Variants in KAZN observed in about 807,000 individuals in gnomAD.
KAZN encodes kazrin.
In KAZN, 40 loss-of-function variants were observed where a neutral mutation model predicts 87.4. The ratio of observed to expected loss-of-function variants is 0.46; its 90% CI spans 0.36 to 0.60. The LOEUF (loss-of-function observed/expected upper bound fraction) is 0.60, where lower values mean the gene tolerates loss of function less well. Ranked by LOEUF, KAZN falls within the 20% of genes least tolerant of loss-of-function variation. KAZN has a pLI of 0.00. For synonymous variants in KAZN, 466 were observed against 458.3 expected, an observed-to-expected ratio of 1.02 and a Z score of -0.22; for missense variants, 898 against 1,073.9, an observed-to-expected ratio of 0.84 and a Z score of 2.29.
At chr1:14,022,393 A>G (rs542295266) in intron 1 of KAZN, among the ~76,000 whole-genome samples, 7 of 151,474 alleles carry the variant, frequency 4.6e-5, no homozygotes, top group African/African-American at 1.7e-4. Context: ...ACAATAAATG[A>G]TAACAATCTT....
chr1:14,587,317 T>A (rs539260209), intron 2 of KAZN, among the ~76,000 whole-genome samples: 17 of 151,416 alleles, frequency 1.1e-4, no homozygotes, highest in African/African-American at 3.4e-4. Context: ...GCACCTGTAA[T>A]CCCAGCTACT....
chr1:14,025,549 G>A (rs571259251), intron 1 of KAZN, among the ~76,000 whole-genome samples: 7 of 152,118 alleles, frequency 4.6e-5, no homozygotes, highest in African/African-American at 1.7e-4. Context: ...CAGGATCTCG[G>A]GGTTTTCATA....
At chr1:14,982,219 G>A (rs1439222412) in intron 2 of KAZN, among the ~76,000 whole-genome samples, 5 of 147,598 alleles carry the variant, frequency 3.4e-5, no homozygotes, top group South Asian at 2.2e-4. Context: ...CACTCCGGCC[G>A]TTCCAGCCCG....
rs1054319599 is a variant in KAZN, at chr1:14,466,741, G to A, written c.250-132242G>A. On this transcript the variant is annotated intron_variant, in intron 2 of 16. Transcript: ENST00000636203. ...CCCAGCACTTCGGGAGGCCGAGGTG[G>A]GCAGATCACGAAGTCAGGAGATGGA... Among the ~76,000 whole-genome samples, 15 of 151,952 alleles carry A rather than the reference G, an allele frequency of 9.9e-5. No homozygotes were observed. In the East Asian group the frequency reaches 2.9e-3, roughly 29 times the overall value.
At chr1:14,529,107 C>G (rs1053343017) in intron 2 of KAZN, among the ~76,000 whole-genome samples, 2 of 152,108 alleles carry the variant, frequency 1.3e-5, no homozygotes, top group African/African-American at 4.8e-5. Context: ...AGTTCGAGAC[C>G]AGCATGACCA....
intron 1 of KAZN, among the ~76,000 whole-genome samples, chr1:14,662,944 A>AATAAAT (rs1639284349): frequency 7.0e-6 from 1 of 142,852 alleles, no homozygotes; most frequent in Non-Finnish European, 1.5e-5. Context: ...TATATATGTA[A>AATAAAT]ATATATATAT....
intron 13 of KAZN, among the ~76,000 whole-genome samples, chr1:15,111,184 C>A (rs1465219581): frequency 4.6e-5 from 7 of 152,212 alleles, no homozygotes; most frequent in African/African-American, 1.7e-4. Context: ...CCACTCCCCT[C>A]CCTTGAACTT....
intron 2 of KAZN, among the ~76,000 whole-genome samples, chr1:14,390,048 C>T (rs12563421): frequency 0.074 from 11,294 of 152,110 alleles, 503 homozygotes; most frequent in East Asian, 0.15. Context: ...CAAATAAGTA[C>T]GTGGGCATAT....
chr1:13,957,678 G>C (rs187619874), intron 1 of KAZN, among the ~76,000 whole-genome samples: 5 of 152,132 alleles, frequency 3.3e-5, no homozygotes, highest in Non-Finnish European at 7.4e-5. Context: ...GAGAAAGCAA[G>C]GTGGGGATGG....
chr1:14,265,851 A>G (rs965633167), intron 2 of KAZN, among the ~76,000 whole-genome samples: 3 of 152,206 alleles, frequency 2.0e-5, no homozygotes, highest in African/African-American at 7.2e-5. Flanking sequence ...CTTTTCCTTA[A>G]TTTCCATTTC....
At chr1:14,529,164 C>T (rs889852037) in intron 2 of KAZN, among the ~76,000 whole-genome samples, 6 of 152,036 alleles carry the variant, frequency 3.9e-5, no homozygotes, top group Non-Finnish European at 8.8e-5. Context: ...ATTAGCTGGG[C>T]GTGGTGGCAG....
intron 2 of KAZN, among the ~76,000 whole-genome samples, chr1:14,582,893 G>A (rs1455186734): frequency 6.6e-6 from 1 of 152,328 alleles, no homozygotes; most frequent in Admixed American, 6.5e-5. Flanking sequence ...TGGCATGAAT[G>A]TTGATTTGTC....
At chr1:14,776,163 C>A (rs1645170073) in intron 1 of KAZN, among the ~76,000 whole-genome samples, 1 of 152,196 alleles carries the variant, frequency 6.6e-6, no homozygotes, top group African/African-American at 2.4e-5. Context: ...GCTACCACGC[C>A]TGGCTAATTT....
At chr1:14,175,346 G>A (rs966416627) in intron 1 of KAZN, among the ~76,000 whole-genome samples, 2 of 152,150 alleles carry the variant, frequency 1.3e-5, no homozygotes, top group Non-Finnish European at 2.9e-5. Flanking sequence ...CTCGTGATCC[G>A]CCCACCTCGG....
chr1:15,097,164 T>A (rs138455522), intron 10 of KAZN, among the ~76,000 whole-genome samples: 1 of 152,228 alleles, frequency 6.6e-6, no homozygotes, highest in Non-Finnish European at 1.5e-5. Context: ...CTTTTGAGGA[T>A]CATGACCACT....
At chr1:15,054,587 G>GCAT in intron 4 of KAZN, among the ~76,000 whole-genome samples, 1 of 151,838 alleles carries the variant, frequency 6.6e-6, no homozygotes, top group Non-Finnish European at 1.5e-5. Context: ...GGGAGGTGGA[G>GCAT]GTTGCAGTAA....
At chr1:14,892,271 C>A (rs1305447819) in intron 1 of KAZN, among the ~76,000 whole-genome samples, 1 of 152,192 alleles carries the variant, frequency 6.6e-6, no homozygotes, top group African/African-American at 2.4e-5. Context: ...TCAGTCCCTG[C>A]CCCGGGGCTC....
intron 2 of KAZN, among the ~76,000 whole-genome samples, chr1:14,381,679 CA>C (rs553483987): frequency 2.4e-3 from 359 of 152,172 alleles, no homozygotes; most frequent in African/African-American, 8.2e-3. Flanking sequence ...CATAACACAA[CA>C]TAATAAAAGC....
At chr1:14,682,251 C>T (rs1377254629) in intron 1 of KAZN, among the ~76,000 whole-genome samples, 1 of 150,538 alleles carries the variant, frequency 6.6e-6, no homozygotes, top group Non-Finnish European at 1.5e-5. Context: ...TCTGGCTTCA[C>T]TTATAATACC....
Sources: allele counts gnomAD v4.1 joint callset (sites outside exome capture counted in the v4.1 genomes callset), GRCh38; gene constraint gnomAD v4.1.1; transcripts MANE v1.5; gene names NCBI Gene and HGNC (gene_info 2026-07-23, HGNC 2026-07-21).